Variants in CCDC197 observed in about 807,000 individuals in gnomAD.
CCDC197 encodes the protein uncharacterized protein CCDC197.
A neutral mutation model predicts 13.4 loss-of-function variants in CCDC197; 24 were observed. The ratio of observed to expected loss-of-function variants is 1.80; its 90% confidence interval spans 1.30 to 2.53. CCDC197 has a LOEUF of 2.53. Ranked by LOEUF, CCDC197 falls within the 30% of genes most tolerant of loss-of-function variation. The pLI is 0.00. For missense variants in CCDC197, 255 were observed against 148.8 expected, an observed-to-expected ratio of 1.71 and a Z score of -3.71; for synonymous variants, 99 against 55.5, an observed-to-expected ratio of 1.78 and a Z score of -3.48.
rs903092030 is a variant in CCDC197 at position 94,003,647 on chromosome 14, G to T, written c.498+293G>T. Among the ~76,000 whole-genome samples the T allele has an allele frequency of 6.6e-6, 1 of 150,656 alleles. No individual in the cohort carries two copies. Among genetic ancestry groups the T allele is most frequent in the African/African-American group, 2.4e-5 (1 of 40,948 alleles). The stretch of plus-strand genomic sequence containing the variant: ...CACACACACAGACATGCAAACACAC[G>T]CACAGACACACAGACACATACACAC... On this transcript the variant is annotated intron_variant, in intron 5 of 6. Transcript: ENST00000636493. The surrounding 1 kb of genome is among the most constrained non-coding windows in gnomAD (Gnocchi z 5.0).
At chr14:93,989,030 T>C (rs1890163054) in intron 1 of CCDC197, among the ~76,000 whole-genome samples, 1 of 151,958 alleles carries the variant, frequency 6.6e-6, no homozygotes, top group Admixed American at 6.6e-5. Context: ...CATGAGATCC[T>C]GATACAAAGA....
chr14:94,010,240 G>A (rs1890785677), downstream of CCDC197, among the ~76,000 whole-genome samples: 1 of 152,228 alleles, frequency 6.6e-6, no homozygotes, highest in South Asian at 2.1e-4. Context: ...GCCTTGCTCT[G>A]TGACCCAGGC....
In CCDC197 at chr14:93,997,551, C is replaced by T. The variant is rs750948073; in HGVS notation, c.-154C>T. The T allele has an allele frequency of 2.0e-5, 3 of 152,412 alleles. No individual in the cohort carries two copies. Among genetic ancestry groups the T allele is most frequent in the Non-Finnish European group, 4.4e-5 (3 of 68,400 alleles). 9.4% of individuals were successfully genotyped at this position (152,412 alleles called of 1,614,324 possible). On this transcript the variant is annotated 5_prime_UTR_variant, in exon 1 of 7. Coordinates refer to ENST00000636493, the MANE Select transcript of CCDC197 (RefSeq NM_001351596.2). ...CATGAGCTTCTTCAAGGCATCTCTTCTCAGTCTCCACTGTAGCTCTGTAAG... is the reference window on the plus strand; with the variant it reads ...CATGAGCTTCTTCAAGGCATCTCTTTTCAGTCTCCACTGTAGCTCTGTAAG...
chr14:93,993,712 A>G (rs551107158), upstream of CCDC197, among the ~76,000 whole-genome samples: 87 of 152,320 alleles, frequency 5.7e-4, no homozygotes, highest in African/African-American at 2.0e-3. Flanking sequence ...TTCCAGCCCC[A>G]GGAGTCCTTG....
At chr14:93,989,868 C>T (rs1156875019) in intron 1 of CCDC197, among the ~76,000 whole-genome samples, 1 of 152,190 alleles carries the variant, frequency 6.6e-6, no homozygotes, top group East Asian at 1.9e-4. Context: ...TTCAAACTTA[C>T]TCAGGTGGTT....
rs149338502 is a variant in CCDC197 at position 93,999,593 on chromosome 14, C to A, written c.115C>A (p.Leu39Ile). The change falls in exon 3 of 7, where the codon CTC (leucine) becomes ATC (isoleucine). Residue 39 changes from leucine to isoleucine, a missense_variant. Physicochemically the swap from Leu to Ile is conservative, Grantham distance 5. Transcript: ENST00000636493. ...LYQLQAKQKKLKREVEKHKLF... is the reference protein window; with the variant it reads ...LYQLQAKQKKIKREVEKHKLF... ...CATCTGGCTCTACAGGCAGAAGAAG[C>A]TCAAGAGAGAAGTCGAGAAGCACAA... 1.5e-4 allele frequency: 118 copies of A among 780,816 alleles called. 1 individual carries two copies. The highest frequency in any genetic ancestry group is 1.1e-4 in the Non-Finnish European group (45 of 418,128). 48.4% of individuals were successfully genotyped at this position (780,816 alleles called of 1,614,324 possible). A position where few individuals can be genotyped will look rare whatever the true frequency, so the allele number is the denominator to read the frequency against.
chr14:94,003,236 G>A lies in CCDC197; in HGVS notation c.380G>A (p.Arg127Gln), dbSNP rs778851964. ...HRALMLSLKIRLCQLQKKCYR... is the reference protein window; with the variant it reads ...HRALMLSLKIQLCQLQKKCYR... ...CCTCTGCCCCAGAGCCTCAAGATCC[G>A]GCTGTGTCAGCTGCAGAAGAAGTGC... Residue 127 changes from arginine (R) to glutamine (Q), a missense_variant, in exon 5 of 7, where the codon CGG becomes CAG. Coordinates refer to ENST00000636493, the MANE Select transcript of CCDC197 (RefSeq NM_001351596.2). This position sits in a 1 kb window ranked among gnomAD's most constrained non-coding sequence, Gnocchi z 5.0. 5.4e-5 allele frequency: 42 copies of A among 780,572 alleles called. No individual in the cohort carries two copies. The highest frequency in any genetic ancestry group is 3.4e-4 in the Admixed American group (20 of 58,992). 48.4% of individuals were successfully genotyped at this position (780,572 alleles called of 1,614,324 possible). A position where few individuals can be genotyped will look rare whatever the true frequency, so the allele number is the denominator to read the frequency against.
upstream of CCDC197, among the ~76,000 whole-genome samples, chr14:93,992,882 G>A (rs929601388): frequency 1.1e-4 from 17 of 152,190 alleles, no homozygotes; most frequent in African/African-American, 1.7e-4. Flanking sequence ...GGCCTCAGAG[G>A]AGGTGGGGCC....
At chr14:93,995,963 C>T (rs896025961), upstream of CCDC197, among the ~76,000 whole-genome samples, 6 of 152,246 alleles carry the variant, frequency 3.9e-5, no homozygotes, top group Admixed American at 6.5e-5. Flanking sequence ...GCGCTGCCTA[C>T]GGTTTGCGCA....
upstream of CCDC197, among the ~76,000 whole-genome samples, chr14:93,992,425 G>C (rs926485047): frequency 6.6e-6 from 1 of 152,152 alleles, no homozygotes; most frequent in Non-Finnish European, 1.5e-5. Flanking sequence ...TTGAACCCAG[G>C]CCTGCAGGGT....
intron 1 of CCDC197, among the ~76,000 whole-genome samples, chr14:93,991,216 T>C (rs1290655776): frequency 6.6e-6 from 1 of 152,168 alleles, no homozygotes; most frequent in Non-Finnish European, 1.5e-5. Flanking sequence ...GTGGTCACAG[T>C]GACCCAGAGG....
upstream of CCDC197, among the ~76,000 whole-genome samples, chr14:93,996,703 G>A (rs984897328): frequency 6.6e-6 from 1 of 152,154 alleles, no homozygotes; most frequent in Admixed American, 6.5e-5. Flanking sequence ...GCCAATGGAA[G>A]CCTTTGAGGG....
rs540793467 is a variant in CCDC197 at position 94,003,887 on chromosome 14, G to T, written c.498+533G>T. ...ATCCACCGGCCCAGTCCCAGGGCTTGGTGTTGTGCCGAGCTCTTAGTCCTT... is the reference window on the plus strand; with the variant it reads ...ATCCACCGGCCCAGTCCCAGGGCTTTGTGTTGTGCCGAGCTCTTAGTCCTT... On this transcript the variant is annotated intron_variant, in intron 5 of 6. Transcript: ENST00000636493. This position sits in a 1 kb window ranked among gnomAD's most constrained non-coding sequence, Gnocchi z 5.0. 1.2e-4 allele frequency among the ~76,000 whole-genome samples: 19 copies of T among 152,332 alleles called. No individual in the cohort carries two copies. In the South Asian group the frequency reaches 3.7e-3, roughly 30 times the overall value.
chr14:94,003,462 C>T lies in CCDC197; in HGVS notation c.498+108C>T. The T allele has an allele frequency of 7.8e-6, 5 of 644,102 alleles. No individual in the cohort carries two copies. Among genetic ancestry groups the T allele is most frequent in the Non-Finnish European group, 1.1e-5 (4 of 352,666 alleles). The allele number at this position is 644,102 out of a possible 1,614,324, so 39.9% of individuals were successfully genotyped here. A position where few individuals can be genotyped will look rare whatever the true frequency, so the allele number is the denominator to read the frequency against. ...ACAGACACATACGCACGCAGACACA[C>T]ACACACAGAGCCAGACACATAGACA... On this transcript the variant is annotated intron_variant, in intron 5 of 6. Coordinates refer to ENST00000636493, the MANE Select transcript of CCDC197 (RefSeq NM_001351596.2). This position sits in a 1 kb window ranked among gnomAD's most constrained non-coding sequence, Gnocchi z 5.0.
chr14:93,994,554 G>A (rs1313214049), upstream of CCDC197, among the ~76,000 whole-genome samples: 3 of 152,222 alleles, frequency 2.0e-5, no homozygotes, highest in Non-Finnish European at 4.4e-5. Context: ...CTCCCAAGGA[G>A]CTGCAGCCTC....
intron 6 of CCDC197, chr14:94,007,368 T>C (rs894672105): frequency 5.9e-5 from 9 of 152,202 alleles, no homozygotes; most frequent in African/African-American, 2.2e-4. Flanking sequence ...ATACCATTTG[T>C]TTAAAAAGTT....
At chr14:93,995,818 TC>T (rs1377754206), upstream of CCDC197, among the ~76,000 whole-genome samples, 2 of 152,144 alleles carry the variant, frequency 1.3e-5, no homozygotes, top group African/African-American at 4.8e-5. Flanking sequence ...CCCTACAGCC[TC>T]CCATGCATCT....
upstream of CCDC197, among the ~76,000 whole-genome samples, chr14:93,992,884 G>A (rs1890235010): frequency 6.6e-6 from 1 of 152,162 alleles, no homozygotes; most frequent in South Asian, 2.1e-4. Flanking sequence ...CCTCAGAGGA[G>A]GTGGGGCCCC....
upstream of CCDC197, among the ~76,000 whole-genome samples, chr14:93,994,301 C>T (rs536279736): frequency 6.6e-6 from 1 of 152,218 alleles, no homozygotes; most frequent in Non-Finnish European, 1.5e-5. Context: ...CTGAGCCCCA[C>T]AAACTGTGTA....
Sources: allele counts gnomAD v4.1 joint callset (sites outside exome capture counted in the v4.1 genomes callset), GRCh38; gene constraint gnomAD v4.1.1; non-coding constraint Gnocchi (gnomAD v3.1); transcripts MANE v1.5; gene names NCBI Gene and HGNC (gene_info 2026-07-23, HGNC 2026-07-21).